HYDIN: variants seen among roughly 807,000 people sequenced by gnomAD.
HYDIN encodes HYDIN axonemal central pair apparatus protein.
In HYDIN, 132 loss-of-function variants were observed where a neutral mutation model predicts 403.9. The ratio of observed to expected loss-of-function variants is 0.33; its 90% confidence interval spans 0.28 to 0.38. The LOEUF (loss-of-function observed/expected upper bound fraction) is 0.38. Among genes scored for constraint, HYDIN ranks in the 10% least tolerant of loss-of-function variants. HYDIN has a pLI of 1.00. For synonymous variants in HYDIN, 1,202 were observed against 1,891.7 expected, an observed-to-expected ratio of 0.64 and a Z score of 9.46; for missense variants, 2,827 against 5,009.5, an observed-to-expected ratio of 0.56 and a Z score of 13.15.
rs553648543 is a variant in HYDIN, at chr16:71,008,397, T to C, written c.3644+9732A>G. Among the ~76,000 whole-genome samples the C allele has an allele frequency of 3.9e-5, 6 of 152,340 alleles. No homozygotes were observed. The South Asian group carries it at 6.2e-4, about 16-fold the overall frequency. ...ATTCATCCTCACTCTCTGGGGTTGC[T>C]GTATGACATGTAATGAGTTAGAATG... On this transcript the variant is annotated intron_variant, in intron 23 of 85. Coordinates refer to ENST00000393567, the MANE Select transcript of HYDIN (RefSeq NM_001270974.2).
chr16:70,850,377 A>G (rs936544632), intron 74 of HYDIN, 71 bp downstream of exon 74: 1 of 881,450 alleles, frequency 1.1e-6, no homozygotes, highest in Non-Finnish European at 1.7e-6. Context: ...CTCAGCTCAT[A>G]TTCATTTTTA....
chr16:70,976,935 A>T (rs1238023136), intron 30 of HYDIN, among the ~76,000 whole-genome samples: 1 of 151,830 alleles, frequency 6.6e-6, no homozygotes, highest in Non-Finnish European at 1.5e-5. Flanking sequence ...AAACTGGGAG[A>T]GGAGCAGCGT....
intron 45 of HYDIN, among the ~76,000 whole-genome samples, chr16:70,928,434 G>C (rs2077219610): frequency 6.6e-6 from 1 of 152,202 alleles, no homozygotes; most frequent in Admixed American, 6.5e-5. Context: ...TCCAGCACCT[G>C]GGTGATGGAG....
At chr16:71,226,605 C>T (rs905424809) in intron 1 of HYDIN, among the ~76,000 whole-genome samples, 3 of 152,152 alleles carry the variant, frequency 2.0e-5, no homozygotes, top group Admixed American at 6.5e-5. Context: ...ACTTCAAAGA[C>T]ATTATGAAGA....
At chr16:71,136,707 T>C (rs1196068523) in intron 8 of HYDIN, among the ~76,000 whole-genome samples, 1 of 141,054 alleles carries the variant, frequency 7.1e-6, no homozygotes, top group African/African-American at 2.7e-5. Context: ...GCAGAGGTTG[T>C]AGTGAGCTGA....
At position 71,213,855 on chromosome 16, in the gene HYDIN, A is replaced by T. The variant is rs576965557; in HGVS notation, c.-24+16707T>A. On this transcript the variant is annotated intron_variant, in intron 1 of 85. Coordinates refer to ENST00000393567, the MANE Select transcript of HYDIN (RefSeq NM_001270974.2). ...ATGCTTAATCAATAAACATTGAAAA[A>T]TTTTACTTGATATCAAGAACAAGAT... Among the ~76,000 whole-genome samples the T allele has an allele frequency of 8.5e-5, 13 of 152,210 alleles. No individual in the cohort carries two copies. In the South Asian group the frequency reaches 2.7e-3, roughly 32 times the overall value.
intron 36 of HYDIN, among the ~76,000 whole-genome samples, chr16:70,967,593 C>A (rs533894403): frequency 6.6e-6 from 1 of 152,108 alleles, no homozygotes; most frequent in African/African-American, 2.4e-5. Context: ...GCCATTCCCC[C>A]GCCTCAGCCT....
At chr16:70,878,335 G>T (rs1226324448) in intron 62 of HYDIN, among the ~76,000 whole-genome samples, 4 of 143,558 alleles carry the variant, frequency 2.8e-5, no homozygotes, top group Non-Finnish European at 4.5e-5. Context: ...CCCAGTCTCA[G>T]GTATGTCTTT....
intron 54 of HYDIN, among the ~76,000 whole-genome samples, chr16:70,894,777 AT>A (rs1219681746): frequency 1.5e-5 from 2 of 137,562 alleles, no homozygotes; most frequent in Non-Finnish European, 3.1e-5. Flanking sequence ...GATTCCCTCC[AT>A]CCTAGGATCA....
chr16:70,901,158 GGCAGGA>G lies in HYDIN; in HGVS notation c.8888_8893del (p.Leu2963_Leu2964del). The G allele has an allele frequency of 9.9e-7, 1 of 1,010,892 alleles. No individual in the cohort carries two copies. The highest frequency in any genetic ancestry group is 1.5e-6 in the Non-Finnish European group (1 of 672,648). 62.6% of individuals were successfully genotyped at this position (1,010,892 alleles called of 1,614,324 possible). Reference sequence around the variant, plus strand: ...CAGGCTGGTGATCCGCCAGGCCACAGGCAGGAGCGTGACATTGCGGAGAAGAACTAC... The same window carrying G: ...CAGGCTGGTGATCCGCCAGGCCACAGGCGTGACATTGCGGAGAAGAACTAC... On this transcript the variant is annotated inframe_deletion, in exon 53 of 86. Transcript: ENST00000393567.
chr16:71,186,328 C>G (rs1365366221), intron 2 of HYDIN, among the ~76,000 whole-genome samples: 1 of 151,660 alleles, frequency 6.6e-6, no homozygotes, highest in Non-Finnish European at 1.5e-5. Flanking sequence ...TCTTAAATAC[C>G]ACTTAGTCAT....
At chr16:71,134,333 A>G (rs540266628) in intron 8 of HYDIN, among the ~76,000 whole-genome samples, 1 of 152,064 alleles carries the variant, frequency 6.6e-6, no homozygotes, top group Admixed American at 6.5e-5. Context: ...CTGACCTGAA[A>G]GTTTACCAGA....
intron 6 of HYDIN, among the ~76,000 whole-genome samples, chr16:71,158,759 G>A (rs1334797034): frequency 1.4e-5 from 2 of 145,126 alleles, no homozygotes; most frequent in Non-Finnish European, 3.0e-5. Flanking sequence ...ATGGCTCACT[G>A]CAACCTCGAG....
intron 23 of HYDIN, among the ~76,000 whole-genome samples, chr16:71,013,474 A>G (rs1350841784): frequency 6.6e-6 from 1 of 152,066 alleles, no homozygotes; most frequent in Non-Finnish European, 1.5e-5. Context: ...CTTTATTCCA[A>G]GAAGCACAGG....
intron 1 of HYDIN, among the ~76,000 whole-genome samples, chr16:71,199,531 C>G (rs1336245777): frequency 6.6e-6 from 1 of 152,172 alleles, no homozygotes; most frequent in Non-Finnish European, 1.5e-5. Flanking sequence ...TTGGGGTTCA[C>G]CTCCCTGGGC....
chr16:70,859,371 G>A (rs2039258116), intron 71 of HYDIN, among the ~76,000 whole-genome samples: 1 of 152,130 alleles, frequency 6.6e-6, no homozygotes, highest in Admixed American at 6.5e-5. Flanking sequence ...GGCCCCCTTG[G>A]CCCCCGTTGT....
chr16:71,173,198 G>A (rs2086537971), intron 5 of HYDIN, among the ~76,000 whole-genome samples: 1 of 152,166 alleles, frequency 6.6e-6, no homozygotes, highest in Non-Finnish European at 1.5e-5. Flanking sequence ...ATTTCTCATA[G>A]GTAAACATTA....
chr16:70,902,821 A>ATATATTTTTTTTTTTT, intron 52 of HYDIN, among the ~76,000 whole-genome samples: 1 of 47,314 alleles, frequency 2.1e-5, no homozygotes, highest in African/African-American at 1.2e-4. Flanking sequence ...ATATATATAT[A>ATATATTTTTTTTTTTT]TTTTTTTTTT....
At position 70,992,182 on chromosome 16, in the gene HYDIN, T is replaced by C; in HGVS notation, c.3673A>G (p.Ser1225Gly). 6.2e-7 allele frequency: 1 copy of C among 1,603,032 alleles called. No individual in the cohort carries two copies. The highest frequency in any genetic ancestry group is 2.2e-5 in the East Asian group (1 of 44,738). ...RFVTLPKKPYSAPVSQMESIP... is the reference protein window; with the variant it reads ...RFVTLPKKPYGAPVSQMESIP... Reference sequence around the variant, plus strand: ...GACTCCATCTGGGACACTGGGGCACTGTAGGGCTTCTTCGGCAATGTCACA... The same window carrying C: ...GACTCCATCTGGGACACTGGGGCACCGTAGGGCTTCTTCGGCAATGTCACA... Residue 1225 changes from serine (S) to glycine (G), a missense_variant, in exon 24 of 86, where the codon AGT becomes GGT. Ser to Gly is a moderately conservative substitution (Grantham distance 56). Coordinates refer to ENST00000393567, the MANE Select transcript of HYDIN (RefSeq NM_001270974.2).
Sources: gnomAD v4.1 joint callset for allele counts (sites outside exome capture counted in the v4.1 genomes callset) on GRCh38, gnomAD v4.1.1 for gene constraint, MANE v1.5 for transcripts, NCBI Gene and HGNC (gene_info 2026-07-23, HGNC 2026-07-21) for gene names.